The following ELP1 variants were observed in gnomAD, a reference collection of about 807,000 sequenced individuals.
The protein encoded by ELP1 is elongator complex protein 1.
Under a neutral mutation model 183.2 loss-of-function variants are expected in ELP1, and 131 were observed. The ratio of observed to expected loss-of-function variants is 0.72; its 90% CI spans 0.62 to 0.83. The LOEUF (loss-of-function observed/expected upper bound fraction) is 0.83. ELP1 is among the 40% of genes least tolerant of loss of function. The pLI is 0.00. For synonymous variants in ELP1, 555 were observed against 569.0 expected, an observed-to-expected ratio of 0.98 and a Z score of 0.35; for missense variants, 1,550 against 1,594.9, an observed-to-expected ratio of 0.97 and a Z score of 0.48.
intron 12 of ELP1, among the ~76,000 whole-genome samples, chr9:108,910,638 A>C (rs1829177779): frequency 6.6e-6 from 1 of 152,094 alleles, no homozygotes; most frequent in Admixed American, 6.6e-5. Flanking sequence ...AAAGAGGAAA[A>C]CCCCATCTCT....
At chr9:108,919,990 G>A (rs1243606201) in intron 6 of ELP1, among the ~76,000 whole-genome samples, 4 of 152,236 alleles carry the variant, frequency 2.6e-5, no homozygotes, top group East Asian at 1.9e-4. Context: ...GTACTGTACT[G>A]TAGTCTGCAC....
chr9:108,919,392 G>T, intron 6 of ELP1, 43 bp from the exon 7 acceptor site: 1 of 1,342,476 alleles, frequency 7.4e-7, no homozygotes, highest in Non-Finnish European at 1.1e-6. Context: ...GGGACCTTAA[G>T]TATCCCAGAA....
In ELP1 at chr9:108,903,824, TACACACAC is replaced by T. The variant is rs3835305; in HGVS notation, c.1644-163_1644-156del. Among the ~76,000 whole-genome samples the T allele has an allele frequency of 0.29, 43,270 of 150,626 alleles. 6,617 individuals carry two copies. The highest frequency in any genetic ancestry group is 0.35 in the Admixed American group (5,217 of 15,120). ...ATACATATATACACACCCAATACTA[TACACACAC>T]ACACACACACACACACACACTTATA... On this transcript the variant is annotated intron_variant, in intron 14 of 36. Transcript: ENST00000374647.
chr9:108,893,850 C>G, intron 26 of ELP1, 93 bp downstream of exon 26: 2 of 1,323,188 alleles, frequency 1.5e-6, no homozygotes, highest in Admixed American at 3.5e-5. Flanking sequence ...GAAGTGAAAT[C>G]AGTCACTGTC....
At chr9:108,915,297 G>A (rs557045762) in intron 10 of ELP1, among the ~76,000 whole-genome samples, 29 of 78,074 alleles carry the variant, frequency 3.7e-4, no homozygotes, top group African/African-American at 2.0e-3. Flanking sequence ...CCAGCTATCT[G>A]CTAAACTCCA....
At chr9:108,932,119 AC>A (rs1327091597) in intron 1 of ELP1, among the ~76,000 whole-genome samples, 1 of 152,138 alleles carries the variant, frequency 6.6e-6, no homozygotes, top group Non-Finnish European at 1.5e-5. Context: ...TCATCTTGGC[AC>A]CCCACATATG....
At position 108,926,408 on chromosome 9, in the gene ELP1, G is replaced by A. The variant is rs956261597; in HGVS notation, c.466+115C>T. ...CTGGGCTAATAGACATTTAATAGCT[G>A]GGGGTTTAACTTTCACAGTTCTTTG... On this transcript the variant is annotated intron_variant, in intron 5 of 36. Coordinates refer to ENST00000374647, the MANE Select transcript of ELP1 (RefSeq NM_003640.5). The A allele has an allele frequency of 1.2e-5, 10 of 813,950 alleles. No homozygotes were observed. In the Admixed American group the frequency reaches 1.4e-4, roughly 11 times the overall value. The allele number at this position is 813,950 out of a possible 1,614,324, so 50.4% of individuals were successfully genotyped here.
At chr9:108,893,350 A>T (rs985707261) in intron 26 of ELP1, among the ~76,000 whole-genome samples, 1 of 152,180 alleles carries the variant, frequency 6.6e-6, no homozygotes, top group Non-Finnish European at 1.5e-5. Context: ...CCTTGAAAAG[A>T]CATCACCTGG....
chr9:108,906,778 C>T (rs897633575), intron 13 of ELP1, among the ~76,000 whole-genome samples: 1 of 152,216 alleles, frequency 6.6e-6, no homozygotes, highest in African/African-American at 2.4e-5. Flanking sequence ...AGTCCCTACA[C>T]TAATGAACCC....
chr9:108,881,847 CT>C, intron 30 of ELP1, 82 bp from the exon 31 acceptor site: 1 of 881,400 alleles, frequency 1.1e-6, no homozygotes, highest in Non-Finnish European at 1.9e-6. Context: ...ACATGGATTA[CT>C]TTCAGAGGTA....
rs1829425940 is a variant in ELP1 at position 108,916,223 on chromosome 9, G to T, written c.939C>A (p.Ser313Arg). The change falls in exon 10 of 37, where the codon AGC becomes AGA. Residue 313 changes from serine (S) to arginine (R), a missense_variant. Physicochemically the swap from Ser to Arg is moderately radical, Grantham distance 110. Coordinates refer to ENST00000374647, the MANE Select transcript of ELP1 (RefSeq NM_003640.5). ...TCTTACCACAGGTTTTCGGAATGGAGCTTTCTTCTCTCTGAAGGTCTTCCA... is the reference window on the plus strand; with the variant it reads ...TCTTACCACAGGTTTTCGGAATGGATCTTTCTTCTCTCTGAAGGTCTTCCA... ...VWLEDLQREE[S>R]SIPKTCVQLW... 1 of 1,614,048 alleles carries T rather than the reference G, an allele frequency of 6.2e-7. No homozygotes were observed. Among genetic ancestry groups the T allele is most frequent in the Non-Finnish European group, 8.5e-7 (1 of 1,179,888 alleles).
intron 3 of ELP1, among the ~76,000 whole-genome samples, chr9:108,929,246 A>G (rs947265321): frequency 3.3e-5 from 5 of 152,246 alleles, no homozygotes; most frequent in African/African-American, 1.2e-4. Flanking sequence ...TAGAAATCAG[A>G]AACTCAACTA....
intron 10 of ELP1, among the ~76,000 whole-genome samples, chr9:108,913,247 G>C (rs1829301908): frequency 6.6e-6 from 1 of 152,174 alleles, no homozygotes; most frequent in Non-Finnish European, 1.5e-5. Context: ...TTGGGCTTAA[G>C]ATGCTTATTT....
intron 5 of ELP1, among the ~76,000 whole-genome samples, chr9:108,925,366 C>T (rs965414201): frequency 6.6e-6 from 1 of 152,194 alleles, no homozygotes; most frequent in Non-Finnish European, 1.5e-5. Context: ...ACTCACAGTT[C>T]CCTGAGTAAC....
intron 36 of ELP1, among the ~76,000 whole-genome samples, chr9:108,871,733 T>G (rs576817124): frequency 6.2e-4 from 95 of 152,326 alleles, no homozygotes; most frequent in African/African-American, 2.3e-3. Flanking sequence ...TCTTTTTGCT[T>G]TAAGTTCTCA....
chr9:108,898,559 G>T lies in ELP1; in HGVS notation c.2306C>A (p.Thr769Asn), dbSNP rs1007256726. ...CACAGAATCTATCTGTTTAATGAAGGTTTCCACATTTCCAAGAAACACCTA... is the reference window on the plus strand; with the variant it reads ...CACAGAATCTATCTGTTTAATGAAGTTTTCCACATTTCCAAGAAACACCTA... ...NPKVFLGNVE[T>N]FIKQIDSVNH... Residue 769 changes from threonine (T) to asparagine (N), a missense_variant, in exon 22 of 37, where the codon ACC becomes AAC. Thr to Asn is a moderately conservative substitution (Grantham distance 65). Transcript: ENST00000374647. 9.3e-6 allele frequency: 15 copies of T among 1,604,932 alleles called. No individual in the cohort carries two copies. Among genetic ancestry groups the T allele is most frequent in the Non-Finnish European group, 1.3e-5 (15 of 1,172,794 alleles).
At chr9:108,897,059 C>T in intron 23 of ELP1, 21 bp from the exon 24 acceptor site, 1 of 1,613,506 alleles carries the variant, frequency 6.2e-7, no homozygotes, top group Non-Finnish European at 8.5e-7. Context: ...AAGTGAAGAA[C>T]ACCAGAATGA....
At chr9:108,919,091 CT>C (rs1587916587) in intron 7 of ELP1, among the ~76,000 whole-genome samples, 161 bp downstream of exon 7, 1 of 152,294 alleles carries the variant, frequency 6.6e-6, no homozygotes, top group East Asian at 1.9e-4. Flanking sequence ...TCAAAGGACT[CT>C]TCTAATTCTT....
chr9:108,887,694 T>C lies in ELP1; in HGVS notation c.3222+1638A>G, dbSNP rs561680537. ...CCCAGCTAAGCCCAGCCAAGATTCT[T>C]GGCCCATTGAAAAAGTGGGATAATA... is the stretch of plus-strand genomic sequence containing the variant. On this transcript the variant is annotated intron_variant, in intron 29 of 36. Coordinates refer to ENST00000374647, the MANE Select transcript of ELP1 (RefSeq NM_003640.5). Among the ~76,000 whole-genome samples, 3 of 152,306 alleles carry C rather than the reference T, an allele frequency of 2.0e-5. No homozygotes were observed. In the South Asian group the frequency reaches 6.2e-4, roughly 32 times the overall value.
Sources: allele counts gnomAD v4.1 joint callset (sites outside exome capture counted in the v4.1 genomes callset), GRCh38; gene constraint gnomAD v4.1.1; transcripts MANE v1.5; gene names NCBI Gene and HGNC (gene_info 2026-07-23, HGNC 2026-07-21).